The following GUCY1A2 variants were observed in gnomAD, a reference collection of about 807,000 sequenced individuals.
The protein encoded by GUCY1A2 is guanylate cyclase 1 soluble subunit alpha 2, also known as guanylate cyclase soluble subunit alpha-2.
In GUCY1A2, 27 loss-of-function variants were observed where a neutral mutation model predicts 63.5. That is an observed-to-expected ratio of 0.43 (90% CI 0.31 to 0.59). The LOEUF (loss-of-function observed/expected upper bound fraction) is 0.59. GUCY1A2 is among the 20% of genes least tolerant of loss of function. The pLI is 0.11. For missense variants in GUCY1A2, 768 were observed against 913.3 expected (o/e 0.84, Z 2.05); for synonymous variants, 364 against 343.5 (o/e 1.06, Z -0.66).
At chr11:106,988,936 T>C (rs1861436696) in intron 1 of GUCY1A2, among the ~76,000 whole-genome samples, 1 of 152,166 alleles carries the variant, frequency 6.6e-6, no homozygotes, top group Non-Finnish European at 1.5e-5. Flanking sequence ...AAGCATGAAG[T>C]GAAGACCCAC....
intron 4 of GUCY1A2, among the ~76,000 whole-genome samples, chr11:106,818,998 G>C (rs577363843): frequency 2.8e-4 from 42 of 152,272 alleles, no homozygotes; most frequent in African/African-American, 1.0e-3. Context: ...AGCATTAACA[G>C]TTTGGAAGAA....
At chr11:106,855,896 T>C (rs1565311130) in intron 4 of GUCY1A2, among the ~76,000 whole-genome samples, 2 of 56,046 alleles carry the variant, frequency 3.6e-5, no homozygotes, top group East Asian at 6.0e-4. Flanking sequence ...TCTTGTATTT[T>C]ATTTATTTAT....
In GUCY1A2 at chr11:106,912,695, C is replaced by G. The variant is rs559018738; in HGVS notation, c.1206+26765G>C. Among the ~76,000 whole-genome samples, 7 of 152,172 alleles carry G rather than the reference C, an allele frequency of 4.6e-5. No homozygotes were observed. In the South Asian group the frequency reaches 1.5e-3, roughly 32 times the overall value. ...ATAGATGAAATGATTTCTCTATGCCCTAACAGCACTTGGATGCTATAATAA... is the reference window on the plus strand; with the variant it reads ...ATAGATGAAATGATTTCTCTATGCCGTAACAGCACTTGGATGCTATAATAA... On this transcript the variant is annotated intron_variant, in intron 4 of 7. Coordinates refer to ENST00000526355, the MANE Select transcript of GUCY1A2 (RefSeq NM_000855.3).
At chr11:106,892,126 C>T (rs1054148994) in intron 4 of GUCY1A2, among the ~76,000 whole-genome samples, 8 of 151,948 alleles carry the variant, frequency 5.3e-5, no homozygotes, top group African/African-American at 1.4e-4. Flanking sequence ...TATTGGCATC[C>T]TAAGTATTTC....
At chr11:106,722,352 G>C (rs1464524459) in intron 6 of GUCY1A2, among the ~76,000 whole-genome samples, 1 of 151,712 alleles carries the variant, frequency 6.6e-6, no homozygotes, top group Non-Finnish European at 1.5e-5. Flanking sequence ...TGTATGTTGA[G>C]ATCCTCCCAA....
chr11:106,981,510 G>T (rs577656058), intron 2 of GUCY1A2, among the ~76,000 whole-genome samples: 7 of 151,816 alleles, frequency 4.6e-5, no homozygotes, highest in African/African-American at 1.7e-4. Context: ...TTACTGGCAT[G>T]GTTCTGAATA....
intron 3 of GUCY1A2, among the ~76,000 whole-genome samples, chr11:106,945,877 A>T (rs1258293728): frequency 6.6e-6 from 1 of 152,216 alleles, no homozygotes; most frequent in Non-Finnish European, 1.5e-5. Context: ...AGGCAGGAGA[A>T]TCGCTTGAAC....
intron 4 of GUCY1A2, chr11:106,826,926 T>A: frequency 2.5e-6 from 4 of 1,609,806 alleles, no homozygotes; most frequent in Non-Finnish European, 3.4e-6. Flanking sequence ...GAAAAGGTTC[T>A]ATATTCGGTG....
At chr11:106,712,211 T>G (rs1601806) in intron 6 of GUCY1A2, among the ~76,000 whole-genome samples, 57,267 of 151,938 alleles carry the variant, frequency 0.38, 11,104 homozygotes, top group Middle Eastern at 0.47. Context: ...TAAAATAATT[T>G]TCTCCATTTA....
chr11:106,930,387 C>T (rs377709035), intron 4 of GUCY1A2, among the ~76,000 whole-genome samples: 1 of 152,202 alleles, frequency 6.6e-6, no homozygotes, highest in African/African-American at 2.4e-5. Context: ...TGCAGTGGTG[C>T]GATCCTGGCT....
At chr11:106,978,791 G>A (rs769077763) in intron 2 of GUCY1A2, 51 bp from the exon 3 acceptor site, 51 of 1,380,318 alleles carry the variant, frequency 3.7e-5, no homozygotes, top group Non-Finnish European at 4.4e-5. Context: ...AAGCATCTGC[G>A]AATGCAACTC....
chr11:106,997,338 A>C (rs1439795045), intron 1 of GUCY1A2, among the ~76,000 whole-genome samples: 1 of 152,180 alleles, frequency 6.6e-6, no homozygotes, highest in Admixed American at 6.6e-5. Flanking sequence ...AGCTGTTGGC[A>C]GTATCAGTGG....
chr11:106,847,132 T>C (rs1160911170), intron 4 of GUCY1A2, among the ~76,000 whole-genome samples: 1 of 150,844 alleles, frequency 6.6e-6, no homozygotes, highest in Non-Finnish European at 1.5e-5. Flanking sequence ...AAAAATTATA[T>C]AAATCCATTC....
chr11:106,758,965 C>T (rs967806809), intron 6 of GUCY1A2, among the ~76,000 whole-genome samples: 5 of 151,962 alleles, frequency 3.3e-5, no homozygotes, highest in African/African-American at 1.2e-4. Flanking sequence ...ATATTGATGT[C>T]TTCTAGCATT....
intron 4 of GUCY1A2, among the ~76,000 whole-genome samples, chr11:106,822,337 A>G (rs1858913980): frequency 6.6e-6 from 1 of 152,076 alleles, no homozygotes; most frequent in African/African-American, 2.4e-5. Flanking sequence ...GAATTTTTCC[A>G]CTATTATTGT....
chr11:106,900,376 G>T (rs987180717), intron 4 of GUCY1A2, among the ~76,000 whole-genome samples: 2 of 152,054 alleles, frequency 1.3e-5, no homozygotes, highest in African/African-American at 2.4e-5. Flanking sequence ...TAGAGACGGG[G>T]TTTTGCCACT....
At chr11:106,803,224 C>T (rs547653822) in intron 5 of GUCY1A2, among the ~76,000 whole-genome samples, 5 of 152,260 alleles carry the variant, frequency 3.3e-5, no homozygotes, top group East Asian at 3.9e-4. Context: ...AGACATCCCA[C>T]GAGTCATTCT....
chr11:106,827,192 A>G, intron 4 of GUCY1A2: 2 of 1,511,498 alleles, frequency 1.3e-6, no homozygotes, highest in South Asian at 1.1e-5. Context: ...TCTGGTCCCA[A>G]CGCACTGCCT....
At chr11:106,922,809 T>C (rs906490786) in intron 4 of GUCY1A2, among the ~76,000 whole-genome samples, 9 of 151,238 alleles carry the variant, frequency 6.0e-5, no homozygotes, top group Non-Finnish European at 1.3e-4. Flanking sequence ...AAATCTGTCA[T>C]TTCACATGTA....
Sources: gnomAD v4.1 joint callset for allele counts (sites outside exome capture counted in the v4.1 genomes callset) on GRCh38, gnomAD v4.1.1 for gene constraint, MANE v1.5 for transcripts, NCBI Gene and HGNC (gene_info 2026-07-23, HGNC 2026-07-21) for gene names.